The following JAZF1 variants were observed in gnomAD, a reference collection of about 807,000 sequenced individuals.
JAZF1 encodes the protein juxtaposed with another zinc finger protein 1.
Under a neutral mutation model 26.4 loss-of-function variants are expected in JAZF1, and 8 were observed. That is an observed-to-expected ratio of 0.30 (90% confidence interval 0.18 to 0.55). JAZF1 has a LOEUF of 0.55. Among genes scored for constraint, JAZF1 ranks in the 20% least tolerant of loss-of-function variants. JAZF1 has a pLI of 0.94. For missense variants in JAZF1, 199 were observed against 322.0 expected, an observed-to-expected ratio of 0.62 and a Z score of 2.92; for synonymous variants, 126 against 122.3, an observed-to-expected ratio of 1.03 and a Z score of -0.20.
chr7:27,950,374 C>T (rs1784989072), intron 2 of JAZF1, among the ~76,000 whole-genome samples: 1 of 152,108 alleles, frequency 6.6e-6, no homozygotes, highest in African/African-American at 2.4e-5. Flanking sequence ...GCCCAGTGCC[C>T]ATAGGCACGT....
At chr7:28,093,615 C>A (rs573748335) in intron 1 of JAZF1, among the ~76,000 whole-genome samples, 1 of 152,324 alleles carries the variant, frequency 6.6e-6, no homozygotes, top group Non-Finnish European at 1.5e-5. Context: ...CTAAAAATTT[C>A]TCCTGGTATA....
intron 2 of JAZF1, among the ~76,000 whole-genome samples, chr7:27,985,284 C>A (rs1785677174): frequency 6.6e-6 from 1 of 152,072 alleles, no homozygotes; most frequent in South Asian, 2.1e-4. Context: ...ACCACCAATC[C>A]CACAGAAATA....
intron 1 of JAZF1, among the ~76,000 whole-genome samples, chr7:28,086,265 G>T (rs542964669): frequency 2.6e-5 from 4 of 152,206 alleles, no homozygotes; most frequent in Non-Finnish European, 5.9e-5. Context: ...TGACTAGGTT[G>T]AAGGCAATTA....
At chr7:27,906,338 T>C (rs1784258246) in intron 2 of JAZF1, among the ~76,000 whole-genome samples, 1 of 152,200 alleles carries the variant, frequency 6.6e-6, no homozygotes, top group Non-Finnish European at 1.5e-5. Context: ...GACTAGCAGC[T>C]GTGGTGTGGA....
chr7:28,173,259 A>G (rs1783500185), intron 1 of JAZF1, among the ~76,000 whole-genome samples: 1 of 152,218 alleles, frequency 6.6e-6, no homozygotes, highest in Non-Finnish European at 1.5e-5. Flanking sequence ...TGGTCTCTCC[A>G]AATAAATTTC....
chr7:27,926,339 A>C (rs1784600597), intron 2 of JAZF1, among the ~76,000 whole-genome samples: 1 of 152,214 alleles, frequency 6.6e-6, no homozygotes, highest in South Asian at 2.1e-4. Context: ...GGCAGGACAT[A>C]CCTTCAACAG....
chr7:27,877,488 G>T (rs1474336108), intron 3 of JAZF1, among the ~76,000 whole-genome samples: 1 of 152,088 alleles, frequency 6.6e-6, no homozygotes, highest in Non-Finnish European at 1.5e-5. Flanking sequence ...GTTTTACAGG[G>T]CCAATAGAGG....
chr7:27,881,712 T>C (rs1783775591), intron 3 of JAZF1, among the ~76,000 whole-genome samples: 1 of 152,174 alleles, frequency 6.6e-6, no homozygotes. Flanking sequence ...TAGTTCAGCC[T>C]GGATAACCCC....
At chr7:28,173,130 C>T (rs539820408) in intron 1 of JAZF1, among the ~76,000 whole-genome samples, 152 of 152,322 alleles carry the variant, frequency 1.0e-3, no homozygotes, top group South Asian at 6.8e-3. Context: ...TATTCAAAAA[C>T]GGCAAGGAAT....
At chr7:28,012,557 C>A (rs1782815904) in intron 1 of JAZF1, among the ~76,000 whole-genome samples, 1 of 152,214 alleles carries the variant, frequency 6.6e-6, no homozygotes. Flanking sequence ...GTGTGGGCTG[C>A]ACCCCTGGGC....
intron 1 of JAZF1, among the ~76,000 whole-genome samples, chr7:28,078,436 T>G (rs900060299): frequency 6.6e-6 from 1 of 152,244 alleles, no homozygotes; most frequent in African/African-American, 2.4e-5. Flanking sequence ...CATTTCTTTT[T>G]GCAGAAGCCA....
chr7:27,833,073 G>T, intron 4 of JAZF1, 97 bp from the exon 5 acceptor site: 1 of 939,270 alleles, frequency 1.1e-6, no homozygotes, highest in Non-Finnish European at 1.6e-6. Flanking sequence ...TTCCTGGATG[G>T]CAGCTGTTTA....
intron 1 of JAZF1, among the ~76,000 whole-genome samples, chr7:27,996,331 T>G (rs138021702): frequency 2.6e-5 from 4 of 152,276 alleles, no homozygotes; most frequent in Non-Finnish European, 5.9e-5. Flanking sequence ...GTGGGGAAGA[T>G]GTGATATCAC....
intron 1 of JAZF1, among the ~76,000 whole-genome samples, chr7:28,094,148 T>C (rs905585275): frequency 2.6e-5 from 4 of 152,200 alleles, no homozygotes; most frequent in Non-Finnish European, 5.9e-5. Flanking sequence ...AAATCAGCAA[T>C]GTAACCCTCT....
At chr7:27,956,801 A>G (rs1396729003) in intron 2 of JAZF1, among the ~76,000 whole-genome samples, 1 of 152,186 alleles carries the variant, frequency 6.6e-6, no homozygotes. Flanking sequence ...ATCTGCCTCC[A>G]TGGCTGTCGG....
chr7:28,178,616 G>C (rs1019491024), intron 1 of JAZF1, among the ~76,000 whole-genome samples: 23 of 152,070 alleles, frequency 1.5e-4, no homozygotes, highest in African/African-American at 5.1e-4. Context: ...ATTTCTACCA[G>C]AACTTCACAG....
At chr7:27,910,646 T>C (rs73685856) in intron 2 of JAZF1, among the ~76,000 whole-genome samples, 4,013 of 152,246 alleles carry the variant, frequency 0.026, 161 homozygotes, top group African/African-American at 0.084. Context: ...CTAATTAGTG[T>C]AATTAAAGCT....
chr7:28,105,665 T>A (rs1784540409), intron 1 of JAZF1, among the ~76,000 whole-genome samples: 1 of 152,234 alleles, frequency 6.6e-6, no homozygotes, highest in Non-Finnish European at 1.5e-5. Flanking sequence ...ATTTAAGACT[T>A]AATCAGCTTA....
At chr7:28,116,535 C>A (rs1784745241) in intron 1 of JAZF1, among the ~76,000 whole-genome samples, 1 of 152,112 alleles carries the variant, frequency 6.6e-6, no homozygotes, top group Non-Finnish European at 1.5e-5. Flanking sequence ...ACCTCCACCT[C>A]CCCGGTTCAA....
Sources: gnomAD v4.1 joint callset for allele counts (sites outside exome capture counted in the v4.1 genomes callset) on GRCh38, gnomAD v4.1.1 for gene constraint, MANE v1.5 for transcripts, NCBI Gene and HGNC (gene_info 2026-07-23, HGNC 2026-07-21) for gene names.